The following NXF1 variants were observed in gnomAD, a reference collection of about 807,000 sequenced individuals.
The protein encoded by NXF1 is mRNA export factor TAP.
Under a neutral mutation model 92.4 loss-of-function variants are expected in NXF1, and 43 were observed. That is an observed-to-expected ratio of 0.47 (90% CI 0.36 to 0.60). The LOEUF (loss-of-function observed/expected upper bound fraction) is 0.60. NXF1 is among the 20% of genes least tolerant of loss of function. NXF1 has a pLI of 0.00. For synonymous variants in NXF1, 288 were observed against 292.2 expected (o/e 0.99, Z 0.15); for missense variants, 576 against 793.0 (o/e 0.73, Z 3.29).
At chr11:62,794,620 C>T in intron 18 of NXF1, 180 bp from the exon 19 acceptor site, 1 of 617,938 alleles carries the variant, frequency 1.6e-6, no homozygotes, top group Non-Finnish European at 2.8e-6. Flanking sequence ...CTACTAAACA[C>T]ACTAGGGTTC....
At chr11:62,800,522 T>C in intron 9 of NXF1, 36 bp from the exon 10 acceptor site, 1 of 1,509,100 alleles carries the variant, frequency 6.6e-7, no homozygotes, top group Non-Finnish European at 9.1e-7. Flanking sequence ...GAGGAGACCC[T>C]GGTGAAGACA....
rs768785086 is a variant in NXF1 at position 62,794,960 on chromosome 11, T to C, written c.1552A>G (p.Ile518Val). 4.3e-6 allele frequency: 7 copies of C among 1,614,044 alleles called. No individual in the cohort carries two copies. Among genetic ancestry groups the C allele is most frequent in the East Asian group, 2.2e-5 (1 of 44,906 alleles). ...CCTGAATTGCTAGCAGGAACAGCAA[T>C]GAATGTCCGGGTGAAGGCTCGCAAA... ...DSLRAFTRTF[I>V]AVPASNSGLC... The change falls in exon 18 of 21, where the codon ATT becomes GTT. Residue 518 changes from isoleucine (I) to valine (V), a missense_variant. Ile to Val is a conservative substitution (Grantham distance 29). This residue lies in a region of NXF1 where 425 missense variants were observed against 635.2 expected (regional missense o/e 0.67). Transcript: ENST00000294172.
At position 62,801,139 on chromosome 11, in the gene NXF1, A is replaced by G; in HGVS notation, c.861T>C (p.Val287=). 6.2e-7 allele frequency: 1 copy of G among 1,614,082 alleles called. No homozygotes were observed. The highest frequency in any genetic ancestry group is 2.2e-5 in the East Asian group (1 of 44,894). Residue 287 remains valine (V), a synonymous_variant, in exon 9 of 21, where the codon GTT becomes GTC. Transcript: ENST00000294172. ...LYRLDDMSSI[V]QKAPNLKILN... ...GGATCTTCAGGTTGGGTGCCTTCTG[A>G]ACAATGCTAGACATGTCATCCAGCC...
At chr11:62,798,664 A>G in intron 10 of NXF1, 89 bp from the exon 11 acceptor site, 4 of 1,591,652 alleles carry the variant, frequency 2.5e-6, no homozygotes, top group Non-Finnish European at 3.4e-6. Context: ...AACCCGAGGG[A>G]CAGCCCATCC....
chr11:62,803,272 C>T (rs557494159), intron 3 of NXF1, 147 bp downstream of exon 3: 78 of 611,088 alleles, frequency 1.3e-4, no homozygotes, highest in African/African-American at 3.2e-4. Context: ...GCCGAGATCA[C>T]GCCACTGTAC....
intron 17 of NXF1, chr11:62,795,218 G>A (rs960333164): frequency 4.1e-5 from 21 of 510,582 alleles, no homozygotes; most frequent in Non-Finnish European, 5.7e-5. Context: ...TGTCTCATGC[G>A]TATAATCCCA....
chr11:62,800,602 T>TTTA, intron 9 of NXF1, 116 bp from the exon 10 acceptor site: 1 of 669,044 alleles, frequency 1.5e-6, no homozygotes, highest in Non-Finnish European at 2.5e-6. Flanking sequence ...TTTAAAATTT[T>TTTA]TTCTTTTTTT....
intron 3 of NXF1, 146 bp from the exon 4 acceptor site, chr11:62,802,406 TAG>T (rs1158908182): frequency 1.9e-5 from 12 of 635,964 alleles, no homozygotes; most frequent in African/African-American, 1.8e-4. Flanking sequence ...GAGATACACA[TAG>T]ATTCTTTAAC....
chr11:62,798,955 C>T, intron 10 of NXF1: 1 of 1,050,380 alleles, frequency 9.5e-7, no homozygotes, highest in Non-Finnish European at 1.1e-6. Context: ...CACCAGGTAT[C>T]CATCAGTTCT....
intron 13 of NXF1, 117 bp downstream of exon 13, chr11:62,797,066 C>CA (rs1160921166): frequency 0.26 from 150,169 of 579,160 alleles, 159 homozygotes; most frequent in South Asian, 0.29. Flanking sequence ...AGACACTGTC[C>CA]AAAAAAAAAA....
chr11:62,804,065 T>C (rs759746384), intron 1 of NXF1, 87 bp from the exon 2 acceptor site: 3 of 1,598,740 alleles, frequency 1.9e-6, no homozygotes, highest in Admixed American at 1.7e-5. Flanking sequence ...CTCTGAACTA[T>C]TGGAAGAGAT....
At position 62,797,374 on chromosome 11, in the gene NXF1, G is replaced by A. The variant is rs372842580; in HGVS notation, c.1066C>T (p.Leu356=). The change falls in exon 12 of 21, where the codon CTA becomes TTA. Residue 356 remains leucine (L), a synonymous_variant. Coordinates refer to ENST00000294172, the MANE Select transcript of NXF1 (RefSeq NM_006362.5). ...ACATCAAAGGCAATTGGTGGGGGTA[G>A]CTCATGGCCATCCTGTGGAAAGGAA... The part of the protein sequence containing the change: ...PKLLRLDGHE[L]PPPIAFDVEA... 327 of 1,613,426 alleles carry A rather than the reference G, an allele frequency of 2.0e-4. No individual in the cohort carries two copies. The highest frequency in any genetic ancestry group is 7.1e-4 in the Middle Eastern group (4 of 5,640).
At position 62,799,181 on chromosome 11, in the gene NXF1, AAG is replaced by A. The variant is rs200323908; in HGVS notation, c.1017-608_1017-607del. 574 of 985,622 alleles carry A rather than the reference AAG, an allele frequency of 5.8e-4. 6 individuals carry two copies. The East Asian group carries it at 0.021, about 35-fold the overall frequency. 61.1% of individuals were successfully genotyped at this position (985,622 alleles called of 1,614,324 possible). ...AAAAAGGAAAGAGAAAGCAAAGAAA[AAG>A]AGAAAGAACTACAAGGCAAAAAAGC... On this transcript the variant is annotated intron_variant, in intron 10 of 20. Transcript: ENST00000294172.
At chr11:62,798,201 G>A (rs1169657009) in intron 11 of NXF1, among the ~76,000 whole-genome samples, 2 of 151,774 alleles carry the variant, frequency 1.3e-5, no homozygotes, top group African/African-American at 4.8e-5. Flanking sequence ...GCCGAGGTAG[G>A]TGGATCACCT....
At position 62,792,705 on chromosome 11, in the gene NXF1, G is replaced by C. The variant is rs369105346; in HGVS notation, c.1761-4C>G. ...CCAGTTGTTGTCCTGAAGGCACCTGGAGTGGAAGAACAGGCAGCTCTGTAA... is the reference window on the plus strand; with the variant it reads ...CCAGTTGTTGTCCTGAAGGCACCTGCAGTGGAAGAACAGGCAGCTCTGTAA... On this transcript the variant is annotated splice_polypyrimidine_tract_variant and splice_region_variant and intron_variant, in intron 19 of 20. Coordinates refer to ENST00000294172, the MANE Select transcript of NXF1 (RefSeq NM_006362.5). 1.1e-5 allele frequency: 17 copies of C among 1,614,052 alleles called. No homozygotes were observed. Among genetic ancestry groups the C allele is most frequent in the South Asian group, 2.2e-5 (2 of 91,090 alleles).
At position 62,797,064 on chromosome 11, in the gene NXF1, T is replaced by TA; in HGVS notation, c.1178+118_1178+119insT. 6 of 730,872 alleles carry TA rather than the reference T, an allele frequency of 8.2e-6. No individual in the cohort carries two copies. The East Asian group carries it at 1.8e-4, about 22-fold the overall frequency. 45.3% of individuals were successfully genotyped at this position (730,872 alleles called of 1,614,324 possible). ...GCCTGGGTGACACAGTGAGACACTG[T>TA]CCAAAAAAAAAAAAAAAAACAAAAC... On this transcript the variant is annotated intron_variant, in intron 13 of 20. Transcript: ENST00000294172.
intron 11 of NXF1, 93 bp downstream of exon 11, chr11:62,798,446 A>G (rs1047973072): frequency 1.3e-6 from 2 of 1,532,564 alleles, no homozygotes; most frequent in Non-Finnish European, 1.8e-6. Context: ...TAAAAAAAAA[A>G]AAAAGAAAAA....
At position 62,798,592 on chromosome 11, in the gene NXF1, A is replaced by G. The variant is rs750724060; in HGVS notation, c.1017-17T>C. 2 of 1,613,956 alleles carry G rather than the reference A, an allele frequency of 1.2e-6. No homozygotes were observed. Among genetic ancestry groups the G allele is most frequent in the Admixed American group, 1.7e-5 (1 of 59,948 alleles). Reference sequence around the variant, plus strand: ...CGAATGGCGCTGTCAAGAACGGGACAGAAGTGAGTGATGCTTCAGAGCCAC... The same window carrying G: ...CGAATGGCGCTGTCAAGAACGGGACGGAAGTGAGTGATGCTTCAGAGCCAC... On this transcript the variant is annotated splice_polypyrimidine_tract_variant and intron_variant, in intron 10 of 20. Coordinates refer to ENST00000294172, the MANE Select transcript of NXF1 (RefSeq NM_006362.5).
At position 62,794,980 on chromosome 11, in the gene NXF1, C is replaced by T. The variant is rs916766594; in HGVS notation, c.1532G>A (p.Arg511Gln). ...EVDGKSRDSL[R>Q]AFTRTFIAVP... ...AGCAATGAATGTCCGGGTGAAGGCT[C>T]GCAAAGAATCCCGGGACTTTCCGTC... Residue 511 changes from arginine (R) to glutamine (Q), a missense_variant, in exon 18 of 21, where the codon CGA becomes CAA. Physicochemically the swap from Arg to Gln is conservative, Grantham distance 43. This residue lies in a region of NXF1 where 425 missense variants were observed against 635.2 expected (regional missense o/e 0.67). Coordinates refer to ENST00000294172, the MANE Select transcript of NXF1 (RefSeq NM_006362.5). 8 of 1,614,166 alleles carry T rather than the reference C, an allele frequency of 5.0e-6. No individual in the cohort carries two copies. The Admixed American group carries it at 6.7e-5, about 13-fold the overall frequency.
Sources: gnomAD v4.1 joint callset for allele counts (sites outside exome capture counted in the v4.1 genomes callset) on GRCh38, gnomAD v4.1.1 for gene constraint, gnomAD v4.1.1 regional missense constraint, MANE v1.5 for transcripts, NCBI Gene and HGNC (gene_info 2026-07-23, HGNC 2026-07-21) for gene names.